The following STX11 variants were observed in gnomAD, a reference collection of about 807,000 sequenced individuals.
STX11 encodes syntaxin-11.
STX11 carries 21 observed loss-of-function variants against 19.9 expected under a neutral mutation model. The observed-to-expected ratio is 1.06, with a 90% confidence interval of 0.75 to 1.52. The LOEUF (loss-of-function observed/expected upper bound fraction) is 1.52. Ranked by LOEUF, STX11 falls within the 40% of genes most tolerant of loss-of-function variation. STX11 has a pLI of 0.00. For missense variants in STX11, 438 were observed against 405.9 expected (o/e 1.08, Z -0.68); for synonymous variants, 193 against 174.4 (o/e 1.11, Z -0.84).
chr6:144,173,583 T>C (rs1418051643), intron 1 of STX11, among the ~76,000 whole-genome samples: 1 of 152,248 alleles, frequency 6.6e-6, no homozygotes, highest in African/African-American at 2.4e-5. Flanking sequence ...ATTTTTAGTT[T>C]GTCTCTATCG....
intron 1 of STX11, 147 bp from the exon 2 acceptor site, chr6:144,186,476 G>T: frequency 1.0e-6 from 1 of 955,340 alleles, no homozygotes; most frequent in Non-Finnish European, 1.6e-6. Flanking sequence ...CAAAATGTCA[G>T]AACATTTAGC....
At position 144,177,609 on chromosome 6, in the gene STX11, G is replaced by A. The variant is rs1205351466; in HGVS notation, c.-5-9014G>A. ...TAAAAACACACAAAAAATTAGCCGG[G>A]TGTGGTGGTGCACACCTGTAATCCC... is the stretch of plus-strand genomic sequence containing the variant. On this transcript the variant is annotated intron_variant, in intron 1 of 1. Transcript: ENST00000367568. The surrounding 1 kb of genome is among the most constrained non-coding windows in gnomAD (Gnocchi z 4.4). 3.3e-5 allele frequency among the ~76,000 whole-genome samples: 5 copies of A among 152,190 alleles called. No homozygotes were observed. In the East Asian group the frequency reaches 9.6e-4, roughly 29 times the overall value.
chr6:144,140,240 ATATATATATATATATTTATT>A, the STX11 span, among the ~76,000 whole-genome samples: 101 of 48,606 alleles, frequency 2.1e-3, no homozygotes, highest in African/African-American at 0.015. Flanking sequence ...ATATATATAT[ATATATATATATATATTTATT>A]TATTTATTTT....
rs1001379682 is a variant in STX11, at chr6:144,190,065, G to A, written c.*2574G>A. 3.9e-5 allele frequency among the ~76,000 whole-genome samples: 6 copies of A among 152,286 alleles called. No homozygotes were observed. Among genetic ancestry groups the A allele is most frequent in the Admixed American group, 6.5e-5 (1 of 15,296 alleles). The stretch of plus-strand genomic sequence containing the variant: ...CTCTATATACATTTTAATTCCTCAC[G>A]TTTTATATTGGAGAGTTCGGTACAG... On this transcript the variant is annotated 3_prime_UTR_variant, in exon 2 of 2. Transcript: ENST00000367568.
chr6:144,185,626 A>G (rs972312788), intron 1 of STX11, among the ~76,000 whole-genome samples: 4 of 152,234 alleles, frequency 2.6e-5, no homozygotes, highest in African/African-American at 9.6e-5. Context: ...AAAGTGGGCA[A>G]ACATTGCTGC....
At chr6:144,144,721 A>G in the STX11 span, among the ~76,000 whole-genome samples, 16 of 152,212 alleles carry the variant, frequency 1.1e-4, no homozygotes, top group African/African-American at 3.6e-4. Flanking sequence ...TGGCTATGGT[A>G]AAGTACAGTG....
Position 144,190,156 on chromosome 6 carries a change from CCTG to C in STX11, c.*2669_*2671del, listed in dbSNP as rs1802179782. On this transcript the variant is annotated 3_prime_UTR_variant, in exon 2 of 2. Transcript: ENST00000367568. Reference sequence around the variant, plus strand: ...CTATAGGGAAAGAACACTTCTTCTTCCTGCTGTTTGGGAACCATCTCAGTGTGG... The same window carrying C: ...CTATAGGGAAAGAACACTTCTTCTTCCTGTTTGGGAACCATCTCAGTGTGG... Among the ~76,000 whole-genome samples, 1 of 152,196 alleles carries C rather than the reference CCTG, an allele frequency of 6.6e-6. No individual in the cohort carries two copies. Among genetic ancestry groups the C allele is most frequent in the Admixed American group, 6.5e-5 (1 of 15,278 alleles).
At position 144,159,147 on chromosome 6, in the gene STX11, C is replaced by T. The variant is rs546694718; in HGVS notation, c.-6+8444C>T. Among the ~76,000 whole-genome samples the T allele has an allele frequency of 3.9e-5, 6 of 152,112 alleles. No homozygotes were observed. The highest frequency in any genetic ancestry group is 1.9e-4 in the East Asian group (1 of 5,200). On this transcript the variant is annotated intron_variant, in intron 1 of 1. Transcript: ENST00000367568. This position sits in a 1 kb window ranked among gnomAD's most constrained non-coding sequence, Gnocchi z 4.3. ...CATCAAAAATGAGTGAAAAAAATAA[C>T]GATTCTGGTGAGCGTATTTATTCAA...
Position 144,187,434 on chromosome 6 carries a change from CGAG to C in STX11, c.811_813del (p.Glu271del), listed in dbSNP as rs751291364. The C allele has an allele frequency of 6.8e-6, 11 of 1,612,068 alleles. No homozygotes were observed. The highest frequency in any genetic ancestry group is 6.7e-5 in the Admixed American group (4 of 60,006). Reference sequence around the variant, plus strand: ...CGCAGGTGCGGAAGGCCGTGCAGTACGAGGAGAAGAACCCCTGCCGGACCCTCT... The same window carrying C: ...CGCAGGTGCGGAAGGCCGTGCAGTACGAGAAGAACCCCTGCCGGACCCTCT... On this transcript the variant is annotated inframe_deletion, in exon 2 of 2. Coordinates refer to ENST00000367568, the MANE Select transcript of STX11 (RefSeq NM_003764.4). This position sits in a 1 kb window ranked among gnomAD's most constrained non-coding sequence, Gnocchi z 5.6.
At chr6:144,185,479 GT>G (rs1052251642) in intron 1 of STX11, among the ~76,000 whole-genome samples, 20 of 152,126 alleles carry the variant, frequency 1.3e-4, no homozygotes, top group African/African-American at 4.6e-4. Context: ...AAAAATGAAA[GT>G]TTTTCACTTC....
chr6:144,146,285 C>T (rs1386692824), upstream of STX11, among the ~76,000 whole-genome samples: 1 of 152,210 alleles, frequency 6.6e-6, no homozygotes, highest in African/African-American at 2.4e-5. The surrounding 1 kb of genome is among the most constrained non-coding windows in gnomAD (Gnocchi z 4.4). Flanking sequence ...TTTATCTGAG[C>T]TTCACCCTAA....
At position 144,187,315 on chromosome 6, in the gene STX11, C is replaced by G. The variant is rs779275340; in HGVS notation, c.688C>G (p.Gln230Glu). The change falls in exon 2 of 2, where the codon CAG becomes GAG. Residue 230 changes from glutamine (Q) to glutamate (E), a missense_variant. Physicochemically the swap from Gln to Glu is conservative, Grantham distance 29. Transcript: ENST00000367568. The surrounding 1 kb of genome is among the most constrained non-coding windows in gnomAD (Gnocchi z 5.6). Reference sequence around the variant, plus strand: ...CCGCGACGTACACGAGCTCTTCTTGCAGATGGCGGTGCTGGTGGAGAAGCA... The same window carrying G: ...CCGCGACGTACACGAGCTCTTCTTGGAGATGGCGGTGCTGGTGGAGAAGCA... ...RIRDVHELFLQMAVLVEKQAD... is the reference protein window; with the variant it reads ...RIRDVHELFLEMAVLVEKQAD... 1 of 1,611,728 alleles carries G rather than the reference C, an allele frequency of 6.2e-7. No homozygotes were observed. Among genetic ancestry groups the G allele is most frequent in the Non-Finnish European group, 8.5e-7 (1 of 1,179,968 alleles).
rs762849871 is a variant in STX11, at chr6:144,169,836, C to T, written c.-5-16787C>T. 2.6e-5 allele frequency among the ~76,000 whole-genome samples: 4 copies of T among 152,144 alleles called. No homozygotes were observed. The highest frequency in any genetic ancestry group is 4.4e-5 in the Non-Finnish European group (3 of 68,030). On this transcript the variant is annotated intron_variant, in intron 1 of 1. Transcript: ENST00000367568. The surrounding 1 kb of genome is among the most constrained non-coding windows in gnomAD (Gnocchi z 5.2). ...GAGTAGCTAGGACTACAGGCACACACCACCACACCTGGCTTTTGTTTGTTT... is the reference window on the plus strand; with the variant it reads ...GAGTAGCTAGGACTACAGGCACACATCACCACACCTGGCTTTTGTTTGTTT...
In STX11 at chr6:144,182,683, T is replaced by C. The variant is rs1436481439; in HGVS notation, c.-5-3940T>C. Among the ~76,000 whole-genome samples, 3 of 152,182 alleles carry C rather than the reference T, an allele frequency of 2.0e-5. No homozygotes were observed. The highest frequency in any genetic ancestry group is 4.4e-5 in the Non-Finnish European group (3 of 68,034). ...TCCCCCAATAGCTTTTTAATGGCTGTAGGAGAGCAATACAGAGCACAGGAC... is the reference window on the plus strand; with the variant it reads ...TCCCCCAATAGCTTTTTAATGGCTGCAGGAGAGCAATACAGAGCACAGGAC... On this transcript the variant is annotated intron_variant, in intron 1 of 1. Coordinates refer to ENST00000367568, the MANE Select transcript of STX11 (RefSeq NM_003764.4). The surrounding 1 kb of genome is among the most constrained non-coding windows in gnomAD (Gnocchi z 4.8).
rs1801718122 is a variant in STX11 at position 144,174,268 on chromosome 6, A to G, written c.-5-12355A>G. Among the ~76,000 whole-genome samples, 1 of 152,208 alleles carries G rather than the reference A, an allele frequency of 6.6e-6. No individual in the cohort carries two copies. Among genetic ancestry groups the G allele is most frequent in the Non-Finnish European group, 1.5e-5 (1 of 68,032 alleles). ...TGCTAATGTCTCAATGGTCAAAGCA[A>G]ATCTCAGTCTCATAGCCACCCTCAG... On this transcript the variant is annotated intron_variant, in intron 1 of 1. Coordinates refer to ENST00000367568, the MANE Select transcript of STX11 (RefSeq NM_003764.4). The surrounding 1 kb of genome is among the most constrained non-coding windows in gnomAD (Gnocchi z 5.3).
the STX11 span, chr6:144,140,923 T>C: frequency 9.1e-6 from 4 of 441,524 alleles, no homozygotes; most frequent in Non-Finnish European, 1.2e-5. Flanking sequence ...ATTACACTTG[T>C]TGAAAACTAA....
the STX11 span, among the ~76,000 whole-genome samples, chr6:144,143,640 C>T: frequency 6.6e-6 from 1 of 152,076 alleles, no homozygotes. Context: ...TGCCAGTTTT[C>T]CTATTTGCAG....
At chr6:144,163,259 A>G (rs1801390285) in intron 1 of STX11, among the ~76,000 whole-genome samples, 1 of 152,110 alleles carries the variant, frequency 6.6e-6, no homozygotes. Context: ...AATTTATAAC[A>G]TTTTAATTTA....
rs1340833769 is a variant in STX11 at position 144,155,990 on chromosome 6, CTTTCTTTCTTTCTTTCTT to C, written c.-6+5289_-6+5306del. ...TCTTTCTTTCTTTCTTTCTTTCTTT[CTTTCTTTCTTTCTTTCTT>C]TCTTTCTCTCTTTCTCTCCTTCCTT... On this transcript the variant is annotated intron_variant, in intron 1 of 1. Coordinates refer to ENST00000367568, the MANE Select transcript of STX11 (RefSeq NM_003764.4). The surrounding 1 kb of genome is among the most constrained non-coding windows in gnomAD (Gnocchi z 4.5). Among the ~76,000 whole-genome samples the C allele has an allele frequency of 4.3e-4, 57 of 132,254 alleles. No homozygotes were observed. The highest frequency in any genetic ancestry group is 2.0e-3 in the African/African-American group (54 of 26,992). 86.8% of individuals were successfully genotyped at this position (132,254 alleles called of 152,430 possible).
Sources: allele counts gnomAD v4.1 joint callset (sites outside exome capture counted in the v4.1 genomes callset), GRCh38; gene constraint gnomAD v4.1.1; non-coding constraint Gnocchi (gnomAD v3.1); transcripts MANE v1.5; gene names NCBI Gene and HGNC (gene_info 2026-07-23, HGNC 2026-07-21).